The following ATR variants were observed in gnomAD, a reference collection of about 807,000 sequenced individuals.
ATR encodes the protein serine/threonine-protein kinase ATR.
Under a neutral mutation model 305.3 loss-of-function variants are expected in ATR, and 142 were observed. That is an observed-to-expected ratio of 0.47 (90% CI 0.41 to 0.53). The LOEUF (loss-of-function observed/expected upper bound fraction) is 0.53. ATR is among the 20% of genes least tolerant of loss of function. ATR has a pLI of 0.00. For missense variants in ATR, 2,135 were observed against 3,133.1 expected (o/e 0.68, Z 7.60); for synonymous variants, 1,050 against 1,068.1 (o/e 0.98, Z 0.33).
In ATR at chr3:142,555,907, TCAGTAGGAA is replaced by T; in HGVS notation, c.2302_2310del (p.Phe768_Leu770del). The T allele has an allele frequency of 6.2e-7, 1 of 1,610,158 alleles. No homozygotes were observed. The highest frequency in any genetic ancestry group is 1.3e-5 in the African/African-American group (1 of 74,680). ...TTTACTGGACTAGGTATTTTTTTTT[TCAGTAGGAA>T]AAGGAATGGCTTGCAGACAGAAGCT... On this transcript the variant is annotated inframe_deletion, in exon 10 of 47. Transcript: ENST00000350721.
chr3:142,543,382 C>T (rs1424546006), intron 16 of ATR, among the ~76,000 whole-genome samples: 2 of 145,826 alleles, frequency 1.4e-5, no homozygotes, highest in Non-Finnish European at 3.1e-5. Context: ...CTCTTTTCCT[C>T]CCTCCCTCCG....
chr3:142,534,699 AC>A (rs1244708964), intron 21 of ATR, among the ~76,000 whole-genome samples: 2 of 152,224 alleles, frequency 1.3e-5, no homozygotes, highest in African/African-American at 2.4e-5. Context: ...ATTAAAACTA[AC>A]GTTAATTCAG....
chr3:142,541,265 A>G (rs570474371), intron 17 of ATR, among the ~76,000 whole-genome samples: 1 of 152,306 alleles, frequency 6.6e-6, no homozygotes, highest in East Asian at 1.9e-4. Flanking sequence ...TTTCCCTTGA[A>G]GGTGATTTGT....
intron 30 of ATR, among the ~76,000 whole-genome samples, chr3:142,503,064 T>C (rs963126036): frequency 2.6e-5 from 4 of 152,148 alleles, no homozygotes; most frequent in Admixed American, 6.5e-5. Context: ...AAGCAGAGCA[T>C]AGATGCCCTT....
intron 12 of ATR, 85 bp downstream of exon 12, chr3:142,553,555 C>G (rs945152712): frequency 4.1e-6 from 6 of 1,450,216 alleles, no homozygotes; most frequent in Non-Finnish European, 5.7e-6. Context: ...TCACAAATAT[C>G]ATATCACCAT....
chr3:142,453,182 C>T lies in ATR; in HGVS notation c.7707G>A (p.Val2569=). 6.2e-7 allele frequency: 1 copy of T among 1,613,930 alleles called. No homozygotes were observed. Among genetic ancestry groups the T allele is most frequent in the Non-Finnish European group, 8.5e-7 (1 of 1,179,824 alleles). The part of the protein sequence containing the change: ...HDPLVEWSKP[V]KGHSKAPLNE... The stretch of plus-strand genomic sequence containing the variant: ...TCAGTGGCGCTTTGGAATGCCCTTT[C>T]ACTGGTTTACTCCATTCCACAAGAG... The change falls in exon 46 of 47, where the codon GTG becomes GTA. Residue 2569 remains valine (V), a synonymous_variant. Transcript: ENST00000350721.
intron 17 of ATR, 44 bp downstream of exon 17, chr3:142,542,621 C>T: frequency 6.8e-7 from 1 of 1,474,582 alleles, no homozygotes; most frequent in South Asian, 1.1e-5. Context: ...TATCTATATT[C>T]TGTATGAATT....
intron 15 of ATR, among the ~76,000 whole-genome samples, chr3:142,548,212 C>T (rs577557889): frequency 3.3e-5 from 5 of 152,184 alleles, no homozygotes; most frequent in Non-Finnish European, 4.4e-5. Context: ...TGGGGACACA[C>T]AACCCTGGGA....
At chr3:142,516,509 T>C (rs1038421496) in intron 24 of ATR, among the ~76,000 whole-genome samples, 2 of 152,154 alleles carry the variant, frequency 1.3e-5, no homozygotes, top group Non-Finnish European at 2.9e-5. Flanking sequence ...TGTTTTCCAG[T>C]GATTATTTCA....
At chr3:142,470,011 C>T in intron 37 of ATR, 75 bp downstream of exon 37, 2 of 1,169,692 alleles carry the variant, frequency 1.7e-6, no homozygotes, top group Admixed American at 4.0e-5. Flanking sequence ...GGAAATTAGA[C>T]TGTCCAGCCA....
chr3:142,537,332 C>T (rs1472015416), intron 19 of ATR, among the ~76,000 whole-genome samples: 1 of 151,946 alleles, frequency 6.6e-6, no homozygotes, highest in East Asian at 1.9e-4. Flanking sequence ...ATCCTCCAGC[C>T]TTGTCCTCCC....
At chr3:142,509,544 G>GTT (rs2032435896) in intron 27 of ATR, among the ~76,000 whole-genome samples, 1 of 117,028 alleles carries the variant, frequency 8.5e-6, no homozygotes, top group African/African-American at 3.2e-5. Flanking sequence ...TTCAAATTCT[G>GTT]ATTTTTTTTT....
At chr3:142,486,060 C>T (rs911938627) in intron 35 of ATR, among the ~76,000 whole-genome samples, 1 of 140,810 alleles carries the variant, frequency 7.1e-6, no homozygotes, top group African/African-American at 3.3e-5. Flanking sequence ...GCCACTCTCA[C>T]TTAGTCTCCT....
chr3:142,512,220 TAAA>T (rs74269486), intron 27 of ATR, 37 bp downstream of exon 27: 3,361 of 1,234,530 alleles, frequency 2.7e-3, no homozygotes, highest in Middle Eastern at 3.5e-3. Flanking sequence ...GGTGAATAGC[TAAA>T]AAAAAAAAAA....
chr3:142,451,825 C>A (rs1473461484), intron 46 of ATR: 1 of 1,283,674 alleles, frequency 7.8e-7, no homozygotes, highest in Non-Finnish European at 1.0e-6. Flanking sequence ...TGAGTGTGAT[C>A]CTGCTAGAGC....
rs1186876696 is a variant in ATR at position 142,462,102 on chromosome 3, T to A, written c.7042-12A>T. ...TCTTTTCTTAAGCACTGTTAAAAAATACACATAAATTTAAAAACAAGATAG... is the reference window on the plus strand; with the variant it reads ...TCTTTTCTTAAGCACTGTTAAAAAAAACACATAAATTTAAAAACAAGATAG... On this transcript the variant is annotated splice_polypyrimidine_tract_variant and intron_variant, in intron 41 of 46. Coordinates refer to ENST00000350721, the MANE Select transcript of ATR (RefSeq NM_001184.4). The A allele has an allele frequency of 6.2e-7, 1 of 1,606,872 alleles. No individual in the cohort carries two copies.
chr3:142,450,043 GC>G (rs2070753656), intron 46 of ATR: 1 of 295,536 alleles, frequency 3.4e-6, no homozygotes, highest in South Asian at 4.0e-5. Context: ...ATATCTGAAT[GC>G]AAAAGGAAGA....
At position 142,562,543 on chromosome 3, in the gene ATR, G is replaced by C; in HGVS notation, c.859C>G (p.Gln287Glu). Residue 287 changes from glutamine to glutamate, a missense_variant, in exon 4 of 47, where the codon CAA (glutamine) becomes GAA (glutamate). Transcript: ENST00000350721. ...LKHLVEMDTD[Q>E]LKLYEEPLSK... is the part of the protein sequence containing the mutation. ...AATGGCTCTTCATAGAGTTTCAATT[G>C]GTCAGTATCCATTTCTACAAGGTGT... 6.2e-7 allele frequency: 1 copy of C among 1,613,608 alleles called. No individual in the cohort carries two copies. Among genetic ancestry groups the C allele is most frequent in the Non-Finnish European group, 8.5e-7 (1 of 1,179,816 alleles).
At chr3:142,485,002 CATCTT>C (rs1356971522) in intron 36 of ATR, 133 bp downstream of exon 36, 1 of 1,274,072 alleles carries the variant, frequency 7.8e-7, no homozygotes, top group Non-Finnish European at 1.1e-6. Flanking sequence ...GAAAAATTTA[CATCTT>C]ATCTAAGGTG....
Sources: allele counts gnomAD v4.1 joint callset (sites outside exome capture counted in the v4.1 genomes callset), GRCh38; gene constraint gnomAD v4.1.1; transcripts MANE v1.5; gene names NCBI Gene and HGNC (gene_info 2026-07-23, HGNC 2026-07-21).